GABRG3: variants seen among roughly 807,000 people sequenced by gnomAD.
GABRG3 encodes gamma-aminobutyric acid receptor subunit gamma-3.
Under a neutral mutation model 48.8 loss-of-function variants are expected in GABRG3, and 25 were observed. That is an observed-to-expected ratio of 0.51 (90% CI 0.37 to 0.72). The LOEUF (loss-of-function observed/expected upper bound fraction) is 0.72. Among genes scored for constraint, GABRG3 ranks in the 30% least tolerant of loss-of-function variants. GABRG3 has a pLI of 0.00. For synonymous variants in GABRG3, 227 were observed against 217.6 expected, an observed-to-expected ratio of 1.04 and a Z score of -0.38; for missense variants, 394 against 577.9, an observed-to-expected ratio of 0.68 and a Z score of 3.26.
intron 5 of GABRG3, among the ~76,000 whole-genome samples, chr15:27,404,485 C>G (rs577639331): frequency 6.6e-6 from 1 of 152,114 alleles, no homozygotes; most frequent in African/African-American, 2.4e-5. Context: ...AACCAGATAC[C>G]CCACATAGCT....
intron 3 of GABRG3, among the ~76,000 whole-genome samples, chr15:27,305,588 A>G (rs961469474): frequency 4.7e-4 from 68 of 143,788 alleles, no homozygotes; most frequent in Non-Finnish European, 7.4e-4. Flanking sequence ...AAACATATAT[A>G]TAATATAAAC....
At chr15:27,425,318 G>C (rs570078353) in intron 5 of GABRG3, among the ~76,000 whole-genome samples, 1 of 152,076 alleles carries the variant, frequency 6.6e-6, no homozygotes, top group African/African-American at 2.4e-5. Flanking sequence ...ATGGTTTTGG[G>C]GATCCCTGAC....
At position 27,316,912 on chromosome 15, in the gene GABRG3, G is replaced by C. The variant is rs1893250974; in HGVS notation, c.271-9897G>C. ...GCAGAGAATCTGAAAATTTTAGTGA[G>C]AGGAAGATTAACAGTCTCAGCAGTG... On this transcript the variant is annotated intron_variant, in intron 3 of 9. Coordinates refer to ENST00000615808, the MANE Select transcript of GABRG3 (RefSeq NM_033223.5). Among the ~76,000 whole-genome samples the C allele has an allele frequency of 1.3e-5, 2 of 152,138 alleles. 1 individual carries two copies. Among genetic ancestry groups the C allele is most frequent in the South Asian group, 4.2e-4 (2 of 4,818 alleles).
At chr15:27,126,925 G>A (rs559537599) in intron 3 of GABRG3, among the ~76,000 whole-genome samples, 2 of 152,298 alleles carry the variant, frequency 1.3e-5, no homozygotes, top group East Asian at 1.9e-4. Flanking sequence ...GGTAGCATTC[G>A]GCCTCAGGGG....
chr15:27,413,095 C>T (rs915293629), intron 5 of GABRG3, among the ~76,000 whole-genome samples: 1 of 151,996 alleles, frequency 6.6e-6, no homozygotes, highest in African/African-American at 2.4e-5. Flanking sequence ...TGAAAAGATG[C>T]ATAATCTCTT....
intron 3 of GABRG3, among the ~76,000 whole-genome samples, chr15:27,308,441 A>G (rs758522411): frequency 9.7e-5 from 14 of 144,444 alleles, no homozygotes; most frequent in African/African-American, 3.7e-4. Flanking sequence ...ACCTGTTTAT[A>G]TAAACATATG....
intron 3 of GABRG3, among the ~76,000 whole-genome samples, chr15:27,210,544 C>CA (rs1889043829): frequency 6.6e-6 from 1 of 152,190 alleles, no homozygotes; most frequent in East Asian, 1.9e-4. Context: ...TACACAATTG[C>CA]ACTTCCAGAG....
chr15:27,048,018 C>T (rs540008661), intron 3 of GABRG3, among the ~76,000 whole-genome samples: 1 of 152,264 alleles, frequency 6.6e-6, no homozygotes, highest in East Asian at 1.9e-4. Context: ...CGTTTGCATC[C>T]AGGCAAGGTA....
chr15:27,457,366 G>A lies in GABRG3; in HGVS notation c.575-23284G>A, dbSNP rs1889315416. On this transcript the variant is annotated intron_variant, in intron 5 of 9. Transcript: ENST00000615808. The surrounding 1 kb of genome is among the most constrained non-coding windows in gnomAD (Gnocchi z 4.4). Reference sequence around the variant, plus strand: ...TGACGTTTTGTTTTTTGCGTTTGTAGAAACATCACCTTCAGACCTACATCC... The same window carrying A: ...TGACGTTTTGTTTTTTGCGTTTGTAAAAACATCACCTTCAGACCTACATCC... 2.6e-5 allele frequency among the ~76,000 whole-genome samples: 4 copies of A among 152,282 alleles called. 1 individual carries two copies. Among genetic ancestry groups the A allele is most frequent in the South Asian group, 4.1e-4 (2 of 4,830 alleles).
intron 5 of GABRG3, among the ~76,000 whole-genome samples, chr15:27,477,377 A>G (rs1051274821): frequency 6.6e-6 from 1 of 152,188 alleles, no homozygotes; most frequent in Non-Finnish European, 1.5e-5. Context: ...AAGAAAAACC[A>G]TGGAGACGGT....
rs2140537843 is a variant in GABRG3, at chr15:27,352,045, G to T, written c.574+23157G>T. 6.8e-6 allele frequency among the ~76,000 whole-genome samples: 1 copy of T among 146,652 alleles called. No individual in the cohort carries two copies. The highest frequency in any genetic ancestry group is 6.7e-5 in the Admixed American group (1 of 14,912). On this transcript the variant is annotated intron_variant, in intron 5 of 9. Coordinates refer to ENST00000615808, the MANE Select transcript of GABRG3 (RefSeq NM_033223.5). This position sits in a 1 kb window ranked among gnomAD's most constrained non-coding sequence, Gnocchi z 4.0. ...TGGTGTATGCGTGTATAGTGTGTGT[G>T]TGTATGGTATGTGTGTATCGTGTGT...
intron 3 of GABRG3, among the ~76,000 whole-genome samples, chr15:27,256,129 A>T (rs1391178373): frequency 6.6e-6 from 1 of 152,130 alleles, no homozygotes; most frequent in Non-Finnish European, 1.5e-5. Flanking sequence ...AGAGGGTCAG[A>T]GTAGATGTGA....
At chr15:27,232,063 C>A (rs1477072801) in intron 3 of GABRG3, among the ~76,000 whole-genome samples, 2 of 152,076 alleles carry the variant, frequency 1.3e-5, no homozygotes, top group East Asian at 3.8e-4. Context: ...CCAGCTCTTC[C>A]AATTCTAGTA....
chr15:27,525,558 C>T (rs534068091), intron 7 of GABRG3, among the ~76,000 whole-genome samples: 1 of 152,206 alleles, frequency 6.6e-6, no homozygotes, highest in African/African-American at 2.4e-5. Flanking sequence ...ATAAAGCACA[C>T]GGCCATTGCC....
In GABRG3 at chr15:27,534,179, A is replaced by T. The variant is rs934907941; in HGVS notation, c.*1298A>T. 6.6e-6 allele frequency: 1 copy of T among 152,022 alleles called. No individual in the cohort carries two copies. Among genetic ancestry groups the T allele is most frequent in the African/African-American group, 2.4e-5 (1 of 41,372 alleles). The allele number at this position is 152,022 out of a possible 1,614,324, so 9.4% of individuals were successfully genotyped here. A position where few individuals can be genotyped will look rare whatever the true frequency, so the allele number is the denominator to read the frequency against. ...GCCCGGCCAAAATTAAAAAAAAAAA[A>T]TTAGTGAATATTAATTTTCAACTCA... On this transcript the variant is annotated 3_prime_UTR_variant, in exon 10 of 10. Transcript: ENST00000615808.
intron 6 of GABRG3, chr15:27,481,377 C>A (rs1890098132): frequency 1.7e-6 from 1 of 600,586 alleles, no homozygotes; most frequent in Non-Finnish European, 2.1e-6. Context: ...TGTCTTATGT[C>A]TTATGTTGTT....
rs1231328359 is a variant in GABRG3, at chr15:27,307,405, A to G, written c.271-19404A>G. Among the ~76,000 whole-genome samples, 4 of 104,454 alleles carry G rather than the reference A, an allele frequency of 3.8e-5. 1 individual carries two copies. Among genetic ancestry groups the G allele is most frequent in the Admixed American group, 2.1e-4 (2 of 9,612 alleles). 68.5% of individuals were successfully genotyped at this position (104,454 alleles called of 152,430 possible). Reference sequence around the variant, plus strand: ...TTTATATATAACCATATAGGTTTATATATTTATATATAAACATATAGGTTT... The same window carrying G: ...TTTATATATAACCATATAGGTTTATGTATTTATATATAAACATATAGGTTT... On this transcript the variant is annotated intron_variant, in intron 3 of 9. Coordinates refer to ENST00000615808, the MANE Select transcript of GABRG3 (RefSeq NM_033223.5).
chr15:27,503,087 C>T (rs1329803502), intron 6 of GABRG3, among the ~76,000 whole-genome samples: 1 of 152,182 alleles, frequency 6.6e-6, no homozygotes, highest in Non-Finnish European at 1.5e-5. Context: ...GGGAGTGAGG[C>T]TGAAAGTCCC....
At chr15:27,364,480 A>C (rs1895126102) in intron 5 of GABRG3, 1 of 152,260 alleles carries the variant, frequency 6.6e-6, no homozygotes, top group African/African-American at 2.4e-5. Context: ...ACGTTGAAAC[A>C]TTGAGACAGG....
Sources: allele counts gnomAD v4.1 joint callset (sites outside exome capture counted in the v4.1 genomes callset), GRCh38; gene constraint gnomAD v4.1.1; non-coding constraint Gnocchi (gnomAD v3.1); transcripts MANE v1.5; gene names NCBI Gene and HGNC (gene_info 2026-07-23, HGNC 2026-07-21).